CDKN2A: variants seen among roughly 807,000 people sequenced by gnomAD.
CDKN2A encodes cyclin-dependent kinase inhibitor 2A.
In CDKN2A, 3 loss-of-function variants were observed where a neutral mutation model predicts 11.1. The observed-to-expected ratio is 0.27, with a 90% CI of 0.12 to 0.70. The LOEUF is 0.70. CDKN2A is among the 30% of genes least tolerant of loss of function. CDKN2A has a pLI of 0.77. For missense variants in CDKN2A, 265 were observed against 233.6 expected, an observed-to-expected ratio of 1.13 and a Z score of -0.88; for synonymous variants, 122 against 108.1, an observed-to-expected ratio of 1.13 and a Z score of -0.80.
upstream of CDKN2A, among the ~76,000 whole-genome samples, chr9:21,975,331 T>C (rs1237955394): frequency 2.0e-5 from 3 of 152,054 alleles, no homozygotes; most frequent in African/African-American, 7.2e-5. Context: ...AACTGCCAAA[T>C]TGAATCGGGG....
upstream of CDKN2A, among the ~76,000 whole-genome samples, chr9:21,979,306 CGTT>C (rs2131122821): frequency 6.6e-6 from 1 of 152,228 alleles, no homozygotes; most frequent in South Asian, 2.1e-4. Context: ...GGGGACACTG[CGTT>C]GACTACTCTT....
intron 2 of CDKN2A, among the ~76,000 whole-genome samples, chr9:21,986,948 C>A (rs1165129151): frequency 2.6e-5 from 4 of 151,890 alleles, no homozygotes; most frequent in African/African-American, 9.7e-5. Flanking sequence ...ATTGCTGAGT[C>A]AGATGATCTG....
At chr9:21,990,172 G>A (rs545489423) in intron 2 of CDKN2A, among the ~76,000 whole-genome samples, 2 of 152,220 alleles carry the variant, frequency 1.3e-5, no homozygotes, top group South Asian at 4.1e-4. Flanking sequence ...TAGTGGGGGC[G>A]GAGAGAAGAG....
chr9:21,992,480 C>T, intron 2 of CDKN2A: 1 of 888,494 alleles, frequency 1.1e-6, no homozygotes, highest in Non-Finnish European at 1.3e-6. Context: ...TTGATTTATA[C>T]CTAAATAACA....
intron 2 of CDKN2A, chr9:21,970,179 G>C (rs1587329015): frequency 4.1e-6 from 1 of 245,172 alleles, no homozygotes; most frequent in East Asian, 5.9e-5. Flanking sequence ...GGGGCGGAGG[G>C]AGGATGCTTT....
rs753888057 is a variant in CDKN2A, at chr9:21,967,952, A to G, written c.*277T>C. ...ATGTGCGCTTAGGGCGTGAGTGCTC[A>G]CTCCAGAAAACTCCAACACAGTGAA... is the stretch of plus-strand genomic sequence containing the variant. On this transcript the variant is annotated 3_prime_UTR_variant, in exon 3 of 3. Transcript: ENST00000304494. The G allele has an allele frequency of 5.2e-5, 24 of 464,134 alleles. No homozygotes were observed. The highest frequency in any genetic ancestry group is 8.9e-5 in the Non-Finnish European group (23 of 259,742). 28.8% of individuals were successfully genotyped at this position (464,134 alleles called of 1,614,324 possible). A position where few individuals can be genotyped will look rare whatever the true frequency, so the allele number is the denominator to read the frequency against.
intron 2 of CDKN2A, among the ~76,000 whole-genome samples, chr9:21,987,430 CACAGAG>C (rs1250023368): frequency 2.5e-5 from 3 of 121,208 alleles, no homozygotes; most frequent in Non-Finnish European, 5.4e-5. Flanking sequence ...CACACACACA[CACAGAG>C]AGAGAGAGAG....
upstream of CDKN2A, among the ~76,000 whole-genome samples, chr9:21,979,807 G>T (rs1200332481): frequency 6.6e-6 from 1 of 152,148 alleles, no homozygotes; most frequent in Non-Finnish European, 1.5e-5. Context: ...CCAGCTGAGG[G>T]TGGAGATCAT....
intron 2 of CDKN2A, among the ~76,000 whole-genome samples, chr9:21,990,648 G>GAGAGAGAGAGAGAGAGAGAGAA (rs1261600637): frequency 1.3e-5 from 2 of 149,372 alleles, no homozygotes; most frequent in African/African-American, 5.0e-5. Flanking sequence ...GAGAGAGAGA[G>GAGAGAGAGAGAGAGAGAGAGAA]AGAAACTGTT....
intron 2 of CDKN2A, chr9:21,992,188 C>G (rs779449106): frequency 1.2e-6 from 1 of 865,448 alleles, no homozygotes; most frequent in Non-Finnish European, 1.4e-6. Flanking sequence ...ATAATTCATA[C>G]AAGTAATTTT....
chr9:21,980,041 A>C (rs1156691619), intron 2 of CDKN2A, among the ~76,000 whole-genome samples: 3 of 152,226 alleles, frequency 2.0e-5, no homozygotes, highest in Non-Finnish European at 4.4e-5. Flanking sequence ...CACGTATTTC[A>C]TGGGATAAGC....
In CDKN2A at chr9:21,973,401, C is replaced by T. The variant is rs72547290; in HGVS notation, c.150+1277G>A. Among the ~76,000 whole-genome samples, 1,750 of 152,258 alleles carry T rather than the reference C, an allele frequency of 0.011. 27 individuals carry two copies. The highest frequency in any genetic ancestry group is 0.038 in the African/African-American group (1,588 of 41,552). ...GGATTCTAAGCCAACATCATTTCCC[C>T]TTTTCTACATGTTCTTCTCCCGTCT... On this transcript the variant is annotated intron_variant, in intron 1 of 2. Transcript: ENST00000304494.
chr9:21,986,926 G>A (rs1820312715), intron 2 of CDKN2A, among the ~76,000 whole-genome samples: 1 of 151,986 alleles, frequency 6.6e-6, no homozygotes, highest in Non-Finnish European at 1.5e-5. Flanking sequence ...AATTGGGTGA[G>A]AGAGTTATAC....
intron 2 of CDKN2A, among the ~76,000 whole-genome samples, chr9:21,970,067 A>G (rs1819633241): frequency 6.6e-6 from 1 of 151,810 alleles, no homozygotes; most frequent in South Asian, 2.1e-4. Context: ...TCATATATCT[A>G]TTTTGTTTCA....
chr9:21,985,030 A>T (rs1429753906), intron 2 of CDKN2A, among the ~76,000 whole-genome samples: 6 of 151,996 alleles, frequency 3.9e-5, no homozygotes. Flanking sequence ...TTCTTGATGA[A>T]ATATAATCAA....
chr9:21,985,868 T>G (rs974454676), intron 2 of CDKN2A, among the ~76,000 whole-genome samples: 1 of 152,004 alleles, frequency 6.6e-6, no homozygotes, highest in African/African-American at 2.4e-5. Flanking sequence ...TATTATGATA[T>G]GTATATTTTT....
chr9:21,993,804 T>TGTGTGC (rs1820502320), intron 2 of CDKN2A: 1 of 73,068 alleles, frequency 1.4e-5, no homozygotes, highest in African/African-American at 2.1e-4. Context: ...TCCTACTGTG[T>TGTGTGC]GTGTGTGTGT....
At chr9:21,981,801 C>A (rs116303330) in intron 2 of CDKN2A, among the ~76,000 whole-genome samples, 1,524 of 151,996 alleles carry the variant, frequency 0.01, 24 homozygotes, top group African/African-American at 0.034. Context: ...GCATTTTAAA[C>A]GGGAAAGAAA....
intron 2 of CDKN2A, among the ~76,000 whole-genome samples, chr9:21,990,109 G>A (rs1275615345): frequency 6.6e-6 from 1 of 152,070 alleles, no homozygotes; most frequent in Non-Finnish European, 1.5e-5. Context: ...CGGAGGCGGC[G>A]AGACCTGCCT....
Sources: gnomAD v4.1 joint callset for allele counts (sites outside exome capture counted in the v4.1 genomes callset) on GRCh38, gnomAD v4.1.1 for gene constraint, MANE v1.5 for transcripts, NCBI Gene and HGNC (gene_info 2026-07-23, HGNC 2026-07-21) for gene names.